SGCZ: variants seen among roughly 807,000 people sequenced by gnomAD.
SGCZ encodes sarcoglycan zeta, also known as zeta-sarcoglycan.
Under a neutral mutation model 41.3 loss-of-function variants are expected in SGCZ, and 40 were observed. The ratio of observed to expected loss-of-function variants is 0.97; its 90% CI spans 0.75 to 1.26. The LOEUF (loss-of-function observed/expected upper bound fraction) is 1.26. Among genes scored for constraint, SGCZ ranks in the 50% most tolerant of loss-of-function variants. The pLI is 0.00. For missense variants in SGCZ, 552 were observed against 369.8 expected (o/e 1.49, Z -4.04); for synonymous variants, 206 against 137.5 (o/e 1.50, Z -3.49).
intron 2 of SGCZ, among the ~76,000 whole-genome samples, chr8:14,435,049 T>A (rs538897261): frequency 6.6e-6 from 1 of 152,138 alleles, no homozygotes; most frequent in Non-Finnish European, 1.5e-5. Flanking sequence ...CAGAATGCTA[T>A]AATTAGAATG....
At chr8:14,607,985 T>A (rs1805807113) in intron 1 of SGCZ, among the ~76,000 whole-genome samples, 1 of 152,214 alleles carries the variant, frequency 6.6e-6, no homozygotes, top group African/African-American at 2.4e-5. Context: ...AAGTTTCTAA[T>A]GAATAATAGA....
At chr8:14,521,780 T>C (rs1802796619) in intron 2 of SGCZ, among the ~76,000 whole-genome samples, 1 of 152,224 alleles carries the variant, frequency 6.6e-6, no homozygotes, top group East Asian at 1.9e-4. Flanking sequence ...ACTCCATGAA[T>C]GGTCCAACAC....
chr8:14,336,736 A>G (rs1358532803), intron 2 of SGCZ, among the ~76,000 whole-genome samples: 1 of 152,130 alleles, frequency 6.6e-6, no homozygotes, highest in Non-Finnish European at 1.5e-5. Context: ...CTTACTGCCT[A>G]CTGTTTTCTG....
chr8:15,044,986 T>C (rs1381729813), intron 1 of SGCZ, among the ~76,000 whole-genome samples: 1 of 152,164 alleles, frequency 6.6e-6, no homozygotes, highest in Non-Finnish European at 1.5e-5. Flanking sequence ...AAAATCATTT[T>C]GGTTCATGAT....
intron 1 of SGCZ, among the ~76,000 whole-genome samples, chr8:15,158,027 T>C (rs1320374545): frequency 6.6e-6 from 1 of 152,166 alleles, no homozygotes; most frequent in East Asian, 1.9e-4. Flanking sequence ...TCTTTGTCCA[T>C]GCACTTGCCT....
intron 1 of SGCZ, among the ~76,000 whole-genome samples, chr8:14,769,594 C>G (rs1053485045): frequency 3.3e-5 from 5 of 151,932 alleles, no homozygotes; most frequent in Admixed American, 2.0e-4. Flanking sequence ...GAGTTCGAGA[C>G]CAGCCTGGCC....
At chr8:15,176,770 G>A (rs1383570550) in intron 1 of SGCZ, among the ~76,000 whole-genome samples, 3 of 152,204 alleles carry the variant, frequency 2.0e-5, no homozygotes, top group East Asian at 1.9e-4. Context: ...GGGAGGCCGA[G>A]GTGGGCGGAT....
At chr8:14,931,687 T>C (rs1799926106) in intron 1 of SGCZ, among the ~76,000 whole-genome samples, 1 of 152,058 alleles carries the variant, frequency 6.6e-6, no homozygotes, top group Non-Finnish European at 1.5e-5. Flanking sequence ...TTACGGAACA[T>C]TATAAAATAA....
intron 1 of SGCZ, among the ~76,000 whole-genome samples, chr8:14,671,250 G>C (rs1048049798): frequency 2.0e-5 from 3 of 152,102 alleles, no homozygotes; most frequent in Non-Finnish European, 4.4e-5. Flanking sequence ...ATGTGACAGT[G>C]GTATCTTTTT....
intron 1 of SGCZ, among the ~76,000 whole-genome samples, chr8:15,121,120 T>C (rs1807461081): frequency 6.6e-6 from 1 of 152,220 alleles, no homozygotes; most frequent in South Asian, 2.1e-4. Flanking sequence ...TTAATTAGTA[T>C]TCGCACTCAA....
chr8:15,211,569 C>A (rs1801238282), intron 1 of SGCZ, among the ~76,000 whole-genome samples: 2 of 152,104 alleles, frequency 1.3e-5, no homozygotes, highest in Non-Finnish European at 2.9e-5. Context: ...TCTTGCCACA[C>A]CGACTACATA....
intron 1 of SGCZ, among the ~76,000 whole-genome samples, chr8:14,586,215 G>T (rs889990450): frequency 6.6e-6 from 1 of 151,946 alleles, no homozygotes; most frequent in Admixed American, 6.6e-5. Context: ...GTTTTTGTTT[G>T]TTTTGTTTTT....
intron 1 of SGCZ, among the ~76,000 whole-genome samples, chr8:14,873,806 C>A (rs1804251643): frequency 6.6e-6 from 1 of 152,106 alleles, no homozygotes; most frequent in East Asian, 1.9e-4. Flanking sequence ...CAGATGTATA[C>A]CTAATTAGGA....
At chr8:14,891,843 C>T (rs1805030634) in intron 1 of SGCZ, among the ~76,000 whole-genome samples, 1 of 152,194 alleles carries the variant, frequency 6.6e-6, no homozygotes, top group Non-Finnish European at 1.5e-5. Context: ...TCTTAACATG[C>T]AGACAATATC....
intron 1 of SGCZ, among the ~76,000 whole-genome samples, chr8:14,840,239 CAG>C (rs1461996357): frequency 1.3e-5 from 2 of 152,020 alleles, no homozygotes; most frequent in East Asian, 3.9e-4. Flanking sequence ...TCAGGGTTGC[CAG>C]TGAAGTCTCC....
intron 1 of SGCZ, among the ~76,000 whole-genome samples, chr8:14,878,299 C>G (rs1426204626): frequency 6.6e-6 from 1 of 151,248 alleles, no homozygotes; most frequent in African/African-American, 2.4e-5. Context: ...TATTAAGAAC[C>G]AGCCATGTTT....
intron 1 of SGCZ, among the ~76,000 whole-genome samples, chr8:14,791,552 A>T (rs1311805792): frequency 3.3e-5 from 5 of 152,222 alleles, no homozygotes; most frequent in Non-Finnish European, 7.3e-5. Flanking sequence ...AGAAGTTTCT[A>T]GAGCTGACAA....
intron 4 of SGCZ, among the ~76,000 whole-genome samples, chr8:14,183,608 C>G (rs1398071738): frequency 6.6e-6 from 1 of 152,162 alleles, no homozygotes; most frequent in Non-Finnish European, 1.5e-5. Flanking sequence ...GGAATATTAT[C>G]TCAGCATAGT....
intron 3 of SGCZ, among the ~76,000 whole-genome samples, chr8:14,253,982 A>T (rs5005956): frequency 0.67 from 101,484 of 151,960 alleles, 34,275 homozygotes; most frequent in South Asian, 0.78. Flanking sequence ...TGAAGAACAA[A>T]CATACAGAAA....
Sources: allele counts gnomAD v4.1 joint callset (sites outside exome capture counted in the v4.1 genomes callset), GRCh38; gene constraint gnomAD v4.1.1; transcripts MANE v1.5; gene names NCBI Gene and HGNC (gene_info 2026-07-23, HGNC 2026-07-21).